AKT1: variants seen among roughly 807,000 people sequenced by gnomAD.
AKT1 encodes the protein AKT serine/threonine kinase 1, also known as RAC-alpha serine/threonine-protein kinase.
AKT1 carries 21 observed loss-of-function variants against 63.1 expected under a neutral mutation model. The observed-to-expected ratio is 0.33, with a 90% CI of 0.24 to 0.48. AKT1 has a LOEUF of 0.48. AKT1 is among the 20% of genes least tolerant of loss of function. AKT1 has a pLI of 0.99. For synonymous variants in AKT1, 257 were observed against 253.1 expected (o/e 1.02, Z -0.15); for missense variants, 382 against 666.0 (o/e 0.57, Z 4.69).
intron 3 of AKT1, among the ~76,000 whole-genome samples, chr14:104,792,305 T>A (rs1893667036): frequency 6.6e-6 from 1 of 152,146 alleles, no homozygotes; most frequent in Non-Finnish European, 1.5e-5. Flanking sequence ...CCTCGCTGCC[T>A]TCCAGGAAAG....
chr14:104,775,611 A>C, intron 6 of AKT1, 41 bp downstream of exon 6: 1 of 1,606,846 alleles, frequency 6.2e-7, no homozygotes, highest in African/African-American at 1.3e-5. Context: ...CCACAGTCCA[A>C]GGCAGCCCCA....
At chr14:104,775,040 C>T (rs1237081718) in intron 7 of AKT1, 36 bp downstream of exon 7, 1 of 1,613,228 alleles carries the variant, frequency 6.2e-7, no homozygotes, top group South Asian at 1.1e-5. Context: ...CACCCCGCAC[C>T]CTCATCTCCA....
chr14:104,773,172 G>A (rs895830349), intron 11 of AKT1, 79 bp downstream of exon 11: 19 of 1,609,784 alleles, frequency 1.2e-5, no homozygotes, highest in Non-Finnish European at 1.6e-5. Context: ...CGTGCTTGGG[G>A]CACAGAGAGG....
At chr14:104,789,857 G>A (rs1178203185) in intron 3 of AKT1, among the ~76,000 whole-genome samples, 1 of 152,188 alleles carries the variant, frequency 6.6e-6, no homozygotes, top group Non-Finnish European at 1.5e-5. Flanking sequence ...CCTCGCCTGG[G>A]TCCAGCCACA....
At chr14:104,772,317 A>G (rs767887381) in intron 13 of AKT1, 48 bp downstream of exon 13, 1 of 1,591,338 alleles carries the variant, frequency 6.3e-7, no homozygotes, top group Non-Finnish European at 8.6e-7. Flanking sequence ...GTGAGTGTGG[A>G]TATGTGGGGA....
rs531316622 is a variant in AKT1 at position 104,791,016 on chromosome 14, C to T, written c.46+1582G>A. The stretch of plus-strand genomic sequence containing the variant: ...CCCTGCCAGGCCCCTCCTGAAGGCA[C>T]GACATCAGCAGCAGCCTGAAAATCA... On this transcript the variant is annotated intron_variant, in intron 3 of 14. Transcript: ENST00000649815. Among the ~76,000 whole-genome samples the T allele has an allele frequency of 5.3e-5, 8 of 152,308 alleles. No homozygotes were observed. In the South Asian group the frequency reaches 1.7e-3, roughly 32 times the overall value.
rs2140905913 is a variant in AKT1, at chr14:104,773,397, T to C, written c.829-18A>G. The C allele has an allele frequency of 6.2e-7, 1 of 1,614,128 alleles. No homozygotes were observed. Among genetic ancestry groups the C allele is most frequent in the East Asian group, 2.2e-5 (1 of 44,874 alleles). On this transcript the variant is annotated intron_variant, in intron 10 of 14. Coordinates refer to ENST00000649815, the MANE Select transcript of AKT1 (RefSeq NM_001382430.1). ...TTCTCCAGCTAGGGGAAAGGTGGCCTCAGGTCAGTGCCGCCAGGCCCCCAG... is the reference window on the plus strand; with the variant it reads ...TTCTCCAGCTAGGGGAAAGGTGGCCCCAGGTCAGTGCCGCCAGGCCCCCAG...
chr14:104,780,051 C>T (rs2140948131), intron 4 of AKT1, 37 bp downstream of exon 4: 10 of 1,606,726 alleles, frequency 6.2e-6, no homozygotes, highest in Non-Finnish European at 8.5e-6. Flanking sequence ...AGCCAACCCC[C>T]CAAATCTGAA....
At chr14:104,776,937 G>A in intron 4 of AKT1, 167 bp from the exon 5 acceptor site, 3 of 594,866 alleles carry the variant, frequency 5.0e-6, no homozygotes, top group Middle Eastern at 4.5e-4. Flanking sequence ...TCACAGAGTG[G>A]GGCTAGGACC....
rs915451760 is a variant in AKT1 at position 104,775,966 on chromosome 14, G to A, written c.288-167C>T. 3 of 756,082 alleles carry A rather than the reference G, an allele frequency of 4.0e-6. No individual in the cohort carries two copies. The African/African-American group carries it at 5.3e-5, about 13-fold the overall frequency. 46.8% of individuals were successfully genotyped at this position (756,082 alleles called of 1,614,324 possible). On this transcript the variant is annotated intron_variant, in intron 5 of 14. Transcript: ENST00000649815. ...ACCTGGTCTGGCCACATACACTCAG[G>A]GTCACGAAGCCCTCTTGGACGTGGG...
intron 4 of AKT1, chr14:104,777,398 G>A (rs367946565): frequency 0.036 from 10,445 of 290,604 alleles, 303 homozygotes; most frequent in Middle Eastern, 0.096. Flanking sequence ...GCACACCTGA[G>A]GCACACACCT....
Position 104,792,689 on chromosome 14 carries a change from C to T in AKT1, c.-46G>A, listed in dbSNP as rs34790457. The stretch of plus-strand genomic sequence containing the variant: ...CGCTCACGCGCTCCTCTCAGGCTGG[C>T]GCTCCCCGAGCCCAGCTGGCCTGGC... On this transcript the variant is annotated 5_prime_UTR_variant, in exon 3 of 15. Transcript: ENST00000649815. 2.2e-4 allele frequency: 354 copies of T among 1,601,582 alleles called. No homozygotes were observed. In the African/African-American group the frequency reaches 4.2e-3, roughly 19 times the overall value.
chr14:104,780,700 GC>G (rs1379439941), intron 3 of AKT1, among the ~76,000 whole-genome samples: 3 of 150,212 alleles, frequency 2.0e-5, no homozygotes, highest in Admixed American at 6.6e-5. Context: ...TGTGTGGGCT[GC>G]CCAGCATGGC....
intron 9 of AKT1, 80 bp downstream of exon 9, chr14:104,773,832 C>T: frequency 7.0e-7 from 1 of 1,429,598 alleles, no homozygotes. Context: ...TGGAGAGTAG[C>T]CGAGGCTCCG....
chr14:104,770,570 AG>A (rs1892327147), intron 14 of AKT1, 150 bp from the exon 15 acceptor site: 1 of 947,430 alleles, frequency 1.1e-6, no homozygotes, highest in Admixed American at 2.5e-5. Context: ...AGATTGACAC[AG>A]GGACCTGGGC....
At chr14:104,783,413 A>ACCTCGT (rs975318714) in intron 3 of AKT1, among the ~76,000 whole-genome samples, 11 of 151,670 alleles carry the variant, frequency 7.3e-5, no homozygotes, top group Non-Finnish European at 1.3e-4. Context: ...GGCAGTAGGG[A>ACCTCGT]CCTCGTCCTC....
intron 3 of AKT1, among the ~76,000 whole-genome samples, chr14:104,785,199 C>G (rs530194947): frequency 1.3e-5 from 2 of 152,264 alleles, no homozygotes; most frequent in East Asian, 3.9e-4. Flanking sequence ...ATGAGGGGCC[C>G]GCAACCCACC....
intron 3 of AKT1, among the ~76,000 whole-genome samples, chr14:104,780,887 A>G (rs1273223927): frequency 1.3e-5 from 2 of 152,206 alleles, no homozygotes; most frequent in Admixed American, 1.3e-4. Flanking sequence ...CGATGAAGCC[A>G]GACACGGAGG....
At chr14:104,774,015 AGGCAGGAC>A in intron 8 of AKT1, 35 bp from the exon 9 acceptor site, 1 of 1,598,708 alleles carries the variant, frequency 6.3e-7, no homozygotes, top group Non-Finnish European at 8.5e-7. Flanking sequence ...GCGGCCCCAC[AGGCAGGAC>A]GGCAGCCCCG....
Sources: gnomAD v4.1 joint callset for allele counts (sites outside exome capture counted in the v4.1 genomes callset) on GRCh38, gnomAD v4.1.1 for gene constraint, MANE v1.5 for transcripts, NCBI Gene and HGNC (gene_info 2026-07-23, HGNC 2026-07-21) for gene names.